The following KITLG variants were observed in gnomAD, a reference collection of about 807,000 sequenced individuals.
The protein encoded by KITLG is c-Kit ligand.
A neutral mutation model predicts 34.1 loss-of-function variants in KITLG; 13 were observed. The observed-to-expected ratio is 0.38, with a 90% CI of 0.25 to 0.61. The LOEUF (loss-of-function observed/expected upper bound fraction) is 0.61. Ranked by LOEUF, KITLG falls within the 20% of genes least tolerant of loss-of-function variation. KITLG has a pLI of 0.60. For missense variants in KITLG, 292 were observed against 318.9 expected, an observed-to-expected ratio of 0.92 and a Z score of 0.64; for synonymous variants, 110 against 104.0, an observed-to-expected ratio of 1.06 and a Z score of -0.35.
intron 3 of KITLG, among the ~76,000 whole-genome samples, chr12:88,523,489 C>G (rs1410705148): frequency 6.6e-6 from 1 of 152,160 alleles, no homozygotes; most frequent in Non-Finnish European, 1.5e-5. Context: ...GATTCTTCGG[C>G]TCAATTAAGA....
At chr12:88,567,241 ATTAC>A (rs1307775596) in intron 1 of KITLG, among the ~76,000 whole-genome samples, 3 of 152,206 alleles carry the variant, frequency 2.0e-5, no homozygotes, top group Admixed American at 2.0e-4. Context: ...TGAACCCAAA[ATTAC>A]TTCCCACATT....
intron 1 of KITLG, among the ~76,000 whole-genome samples, chr12:88,548,320 A>G (rs1870784362): frequency 6.6e-6 from 1 of 151,924 alleles, no homozygotes; most frequent in Non-Finnish European, 1.5e-5. Flanking sequence ...TGGGTGTGGC[A>G]GTGCATGCCT....
Position 88,566,646 on chromosome 12 carries a change from C to T in KITLG, c.15+13618G>A, listed in dbSNP as rs185289114. ...TATGTCATTGTACATAGTTAGGTGA[C>T]GCTGGAATGAAACTTACCACTCGGG... On this transcript the variant is annotated intron_variant, in intron 1 of 9. Coordinates refer to ENST00000644744, the MANE Select transcript of KITLG (RefSeq NM_000899.5). Among the ~76,000 whole-genome samples, 5 of 152,164 alleles carry T rather than the reference C, an allele frequency of 3.3e-5. No individual in the cohort carries two copies. The East Asian group carries it at 7.7e-4, about 24-fold the overall frequency.
At chr12:88,566,855 C>G (rs986073069) in intron 1 of KITLG, among the ~76,000 whole-genome samples, 1 of 152,146 alleles carries the variant, frequency 6.6e-6, no homozygotes, top group African/African-American at 2.4e-5. Flanking sequence ...ATTATAGGAT[C>G]TACCCCTACA....
chr12:88,498,944 G>A (rs1868749240), intron 9 of KITLG, among the ~76,000 whole-genome samples: 1 of 152,116 alleles, frequency 6.6e-6, no homozygotes, highest in Non-Finnish European at 1.5e-5. Flanking sequence ...ATCTATTTTT[G>A]ATTTTTGTCC....
chr12:88,528,554 G>A (rs1288331840), intron 3 of KITLG, among the ~76,000 whole-genome samples: 12 of 152,134 alleles, frequency 7.9e-5, no homozygotes, highest in Admixed American at 7.9e-4. Context: ...CTAGATTAAA[G>A]TACTATAATT....
At chr12:88,501,418 TTA>T (rs1868850980) in intron 9 of KITLG, among the ~76,000 whole-genome samples, 1 of 152,168 alleles carries the variant, frequency 6.6e-6, no homozygotes, top group African/African-American at 2.4e-5. Flanking sequence ...ACTCCACATT[TTA>T]TTTCTGTCTT....
At chr12:88,501,056 A>G (rs1453489188) in intron 9 of KITLG, among the ~76,000 whole-genome samples, 1 of 152,204 alleles carries the variant, frequency 6.6e-6, no homozygotes, top group African/African-American at 2.4e-5. Context: ...CTGGGATTAC[A>G]GGAATGAGCT....
intron 1 of KITLG, among the ~76,000 whole-genome samples, chr12:88,570,782 T>C (rs1339845447): frequency 1.3e-5 from 2 of 152,216 alleles, no homozygotes; most frequent in Non-Finnish European, 2.9e-5. Context: ...AATAATAATA[T>C]GTATTTTACA....
At chr12:88,500,391 G>A (rs536053356) in intron 9 of KITLG, among the ~76,000 whole-genome samples, 1 of 152,270 alleles carries the variant, frequency 6.6e-6, no homozygotes, top group African/African-American at 2.4e-5. Flanking sequence ...TTTGATCAAA[G>A]TAACTCTGTA....
chr12:88,549,559 G>C (rs1592579421), intron 1 of KITLG, among the ~76,000 whole-genome samples: 1 of 152,274 alleles, frequency 6.6e-6, no homozygotes, highest in Non-Finnish European at 1.5e-5. Flanking sequence ...TGGAAAGATG[G>C]TGTTGCCATC....
chr12:88,546,152 T>C (rs60641911), intron 1 of KITLG: 5 of 472,036 alleles, frequency 1.1e-5, no homozygotes, highest in Non-Finnish European at 8.0e-6. Context: ...TGTAGCAGCA[T>C]GTTAAAGACT....
chr12:88,562,232 C>A (rs148736251), intron 1 of KITLG, among the ~76,000 whole-genome samples: 2 of 152,316 alleles, frequency 1.3e-5, no homozygotes, highest in East Asian at 3.9e-4. Context: ...ATAAAATTCT[C>A]TTTTATATGG....
rs1477139139 is a variant in KITLG, at chr12:88,493,868, GT to G, written c.*3350del. On this transcript the variant is annotated 3_prime_UTR_variant, in exon 10 of 10. Coordinates refer to ENST00000644744, the MANE Select transcript of KITLG (RefSeq NM_000899.5). ...CAAGCAAAGGAAAAAGCCATCTCTT[GT>G]GTAAATGGTGATCCAATTCACCCTA... The G allele has an allele frequency of 6.6e-6, 1 of 151,882 alleles. No homozygotes were observed. Among genetic ancestry groups the G allele is most frequent in the Non-Finnish European group, 1.5e-5 (1 of 67,854 alleles). The allele number at this position is 151,882 out of a possible 1,614,324, so 9.4% of individuals were successfully genotyped here. A position where few individuals can be genotyped will look rare whatever the true frequency, so the allele number is the denominator to read the frequency against.
intron 6 of KITLG, among the ~76,000 whole-genome samples, chr12:88,512,786 T>A (rs932772690): frequency 6.6e-6 from 1 of 151,924 alleles, no homozygotes. Flanking sequence ...CAGACTTCAA[T>A]ATCTAGTAAA....
intron 4 of KITLG, among the ~76,000 whole-genome samples, chr12:88,517,194 T>A (rs945667814): frequency 1.3e-5 from 2 of 151,974 alleles, no homozygotes; most frequent in African/African-American, 4.8e-5. Context: ...TACAGCTATA[T>A]GCTTTAAAGT....
chr12:88,542,424 G>A (rs1870548772), intron 2 of KITLG, among the ~76,000 whole-genome samples: 1 of 152,004 alleles, frequency 6.6e-6, no homozygotes, highest in South Asian at 2.1e-4. Context: ...ATTTGTCCAA[G>A]GCCACACAGC....
rs1871978388 is a variant in KITLG, at chr12:88,580,411, C to T, written c.-133G>A. ...CATTGGGTAGCCCGAGCGCAGCGCC[C>T]TCTCCACTGTCCCTGCTTCCCGCAG... On this transcript the variant is annotated 5_prime_UTR_variant, in exon 1 of 10. Coordinates refer to ENST00000644744, the MANE Select transcript of KITLG (RefSeq NM_000899.5). 3 of 1,046,020 alleles carry T rather than the reference C, an allele frequency of 2.9e-6. No individual in the cohort carries two copies. The highest frequency in any genetic ancestry group is 2.0e-5 in the Admixed American group (1 of 50,304). 64.8% of individuals were successfully genotyped at this position (1,046,020 alleles called of 1,614,324 possible). A position where few individuals can be genotyped will look rare whatever the true frequency, so the allele number is the denominator to read the frequency against.
At chr12:88,524,929 T>C (rs1592846318) in intron 3 of KITLG, among the ~76,000 whole-genome samples, 1 of 152,026 alleles carries the variant, frequency 6.6e-6, no homozygotes, top group Non-Finnish European at 1.5e-5. Context: ...ATCATAGGAG[T>C]GGAGCCTCAG....
Sources: gnomAD v4.1 joint callset for allele counts (sites outside exome capture counted in the v4.1 genomes callset) on GRCh38, gnomAD v4.1.1 for gene constraint, MANE v1.5 for transcripts, NCBI Gene and HGNC (gene_info 2026-07-23, HGNC 2026-07-21) for gene names.